GAB1: variants seen among roughly 807,000 people sequenced by gnomAD.
The protein encoded by GAB1 is GRB2 associated binding protein 1.
In GAB1, 19 loss-of-function variants were observed where a neutral mutation model predicts 66.5. The ratio of observed to expected loss-of-function variants is 0.29; its 90% CI spans 0.20 to 0.42. The LOEUF (loss-of-function observed/expected upper bound fraction) is 0.42, where lower values mean the gene tolerates loss of function less well. Ranked by LOEUF, GAB1 falls within the 10% of genes least tolerant of loss-of-function variation. GAB1 has a pLI of 1.00. For missense variants in GAB1, 732 were observed against 858.5 expected (o/e 0.85, Z 1.84); for synonymous variants, 294 against 301.4 (o/e 0.98, Z 0.25).
chr4:143,337,344 G>C, intron 1 of GAB1, 84 bp downstream of exon 1: 1 of 1,151,694 alleles, frequency 8.7e-7, no homozygotes, highest in African/African-American at 1.5e-5. Context: ...GCAGCTGGCC[G>C]CGCGCGGGGC....
rs1380715596 is a variant in GAB1 at position 143,423,861 on chromosome 4, TA to T, written c.367+8091del. Among the ~76,000 whole-genome samples the T allele has an allele frequency of 1.8e-4, 23 of 129,070 alleles. No homozygotes were observed. The South Asian group carries it at 4.1e-3, about 23-fold the overall frequency. The allele number at this position is 129,070 out of a possible 152,430, so 84.7% of individuals were successfully genotyped here. A position where few individuals can be genotyped will look rare whatever the true frequency, so the allele number is the denominator to read the frequency against. On this transcript the variant is annotated intron_variant, in intron 2 of 9. Transcript: ENST00000262994. ...ATGTCTTCACGTGCTATGAAAAGGA[TA>T]TTTTTTTTTTAAAAAAAAGGAAACT...
intron 1 of GAB1, among the ~76,000 whole-genome samples, chr4:143,378,476 A>G (rs932017200): frequency 7.2e-5 from 11 of 152,126 alleles, no homozygotes; most frequent in African/African-American, 2.7e-4. Flanking sequence ...CTTTTTCTTG[A>G]CACTCATATA....
chr4:143,460,234 T>C (rs1392632835), intron 7 of GAB1, 130 bp from the exon 8 acceptor site: 5 of 794,454 alleles, frequency 6.3e-6, no homozygotes, highest in Non-Finnish European at 1.0e-5. Context: ...TATAAATGTG[T>C]ACAATGAATG....
At position 143,425,531 on chromosome 4, in the gene GAB1, A is replaced by G. The variant is rs1733298595; in HGVS notation, c.368-7960A>G. On this transcript the variant is annotated intron_variant, in intron 2 of 9. Coordinates refer to ENST00000262994, the MANE Select transcript of GAB1 (RefSeq NM_002039.4). The stretch of plus-strand genomic sequence containing the variant: ...TGTGCCATGTGGACATTGCCATCCC[A>G]TGCAACAACAAGGGAGCTCACTCCG... The G allele has an allele frequency of 6.6e-6, 5 of 762,444 alleles. No individual in the cohort carries two copies. In the South Asian group the frequency reaches 6.7e-5, roughly 10 times the overall value. The allele number at this position is 762,444 out of a possible 1,614,324, so 47.2% of individuals were successfully genotyped here. A position where few individuals can be genotyped will look rare whatever the true frequency, so the allele number is the denominator to read the frequency against.
At chr4:143,406,508 T>C (rs1732048911) in intron 1 of GAB1, among the ~76,000 whole-genome samples, 1 of 152,208 alleles carries the variant, frequency 6.6e-6, no homozygotes, top group South Asian at 2.1e-4. Flanking sequence ...GCTGGCCAGA[T>C]TGCATGTAAA....
chr4:143,426,029 A>T, intron 2 of GAB1: 1 of 603,018 alleles, frequency 1.7e-6, no homozygotes, highest in Admixed American at 2.9e-5. Context: ...AATTAACTCC[A>T]GGTATAAGGT....
chr4:143,384,311 G>T (rs1266143269), intron 1 of GAB1, among the ~76,000 whole-genome samples: 1 of 152,180 alleles, frequency 6.6e-6, no homozygotes, highest in East Asian at 1.9e-4. Flanking sequence ...AGCTGTTCAT[G>T]AAGTTTTCAA....
chr4:143,386,022 G>A (rs561129465), intron 1 of GAB1, among the ~76,000 whole-genome samples: 27 of 152,178 alleles, frequency 1.8e-4, no homozygotes, highest in African/African-American at 5.8e-4. Context: ...CGCACCTGTC[G>A]TCCCAGCTAT....
At chr4:143,341,715 G>A (rs998673829) in intron 1 of GAB1, among the ~76,000 whole-genome samples, 3 of 152,182 alleles carry the variant, frequency 2.0e-5, no homozygotes, top group Non-Finnish European at 4.4e-5. Flanking sequence ...TCTGGAAATG[G>A]GCCTAGAAAC....
In GAB1 at chr4:143,373,868, A is replaced by ATATATATAT. The variant is rs1560725949; in HGVS notation, c.72+36608_72+36609insTATATATAT. 2.1e-3 allele frequency among the ~76,000 whole-genome samples: 193 copies of ATATATATAT among 93,628 alleles called. 10 individuals carry two copies. Among genetic ancestry groups the ATATATATAT allele is most frequent in the South Asian group, 4.9e-3 (11 of 2,256 alleles). The allele number at this position is 93,628 out of a possible 152,430, so 61.4% of individuals were successfully genotyped here. On this transcript the variant is annotated intron_variant, in intron 1 of 9. Coordinates refer to ENST00000262994, the MANE Select transcript of GAB1 (RefSeq NM_002039.4). ...CTCTCTCTCTCTCTGTAAATAAATA[A>ATATATATAT]ATATATATATATATATATTTTTACC...
In GAB1 at chr4:143,362,312, G is replaced by T. The variant is rs181810140; in HGVS notation, c.72+25052G>T. On this transcript the variant is annotated intron_variant, in intron 1 of 9. Transcript: ENST00000262994. Reference sequence around the variant, plus strand: ...AGCATCCATATGTTACCAGAAAGGGGTCCTGAGCCAGACCCCAAGAGACGG... The same window carrying T: ...AGCATCCATATGTTACCAGAAAGGGTTCCTGAGCCAGACCCCAAGAGACGG... Among the ~76,000 whole-genome samples, 13 of 152,236 alleles carry T rather than the reference G, an allele frequency of 8.5e-5. No individual in the cohort carries two copies. In the East Asian group the frequency reaches 2.3e-3, roughly 27 times the overall value.
At chr4:143,406,144 A>C (rs147225294) in intron 1 of GAB1, among the ~76,000 whole-genome samples, 1 of 152,324 alleles carries the variant, frequency 6.6e-6, no homozygotes, top group East Asian at 1.9e-4. Context: ...GTCTTGTGAA[A>C]ACTGGGATAG....
intron 6 of GAB1, chr4:143,457,615 T>TTTA: frequency 4.0e-6 from 2 of 497,708 alleles, no homozygotes; most frequent in Non-Finnish European, 6.5e-6. Context: ...TTTTTTTTTT[T>TTTA]ACAGAATCCA....
intron 6 of GAB1, among the ~76,000 whole-genome samples, chr4:143,446,908 TA>T (rs1734585656): frequency 6.6e-6 from 1 of 151,430 alleles, no homozygotes; most frequent in Admixed American, 6.6e-5. Context: ...GGTTTTCTTC[TA>T]GGGTTTTTAT....
chr4:143,414,551 C>T (rs1002449005), intron 1 of GAB1, among the ~76,000 whole-genome samples: 3 of 152,046 alleles, frequency 2.0e-5, no homozygotes, highest in African/African-American at 4.8e-5. Context: ...ACAGGTCTTA[C>T]TCGTATAGTC....
chr4:143,450,090 C>T (rs1416120873), intron 6 of GAB1, among the ~76,000 whole-genome samples: 2 of 151,892 alleles, frequency 1.3e-5, no homozygotes, highest in East Asian at 1.9e-4. Flanking sequence ...GATTTGTTAC[C>T]GTTTAAAGGA....
intron 1 of GAB1, among the ~76,000 whole-genome samples, chr4:143,411,576 C>T (rs888150006): frequency 9.9e-5 from 15 of 152,150 alleles, no homozygotes; most frequent in African/African-American, 2.2e-4. Flanking sequence ...AGGCAGTGTA[C>T]GGCTTTCTCT....
chr4:143,392,926 T>C (rs1209668617), intron 1 of GAB1, among the ~76,000 whole-genome samples: 19 of 152,202 alleles, frequency 1.2e-4, no homozygotes. Flanking sequence ...GATTTTTACT[T>C]TCTATTAGTG....
intron 2 of GAB1, among the ~76,000 whole-genome samples, chr4:143,432,156 T>TA (rs1410586084): frequency 3.9e-5 from 6 of 152,170 alleles, no homozygotes; most frequent in African/African-American, 1.4e-4. Flanking sequence ...CTTTTGGCCT[T>TA]AGCCACTGCT....
Sources: gnomAD v4.1 joint callset for allele counts (sites outside exome capture counted in the v4.1 genomes callset) on GRCh38, gnomAD v4.1.1 for gene constraint, MANE v1.5 for transcripts, NCBI Gene and HGNC (gene_info 2026-07-23, HGNC 2026-07-21) for gene names.